The following ANO4 variants were observed in gnomAD, a reference collection of about 807,000 sequenced individuals.
The protein encoded by ANO4 is anoctamin-4.
ANO4 carries 69 observed loss-of-function variants against 141.9 expected under a neutral mutation model. The ratio of observed to expected loss-of-function variants is 0.49; its 90% CI spans 0.40 to 0.59. The LOEUF (loss-of-function observed/expected upper bound fraction) is 0.59. ANO4 is among the 20% of genes least tolerant of loss of function. The pLI is 0.00. For synonymous variants in ANO4, 350 were observed against 394.3 expected (o/e 0.89, Z 1.33); for missense variants, 894 against 1,162.2 (o/e 0.77, Z 3.36).
intron 5 of ANO4, among the ~76,000 whole-genome samples, chr12:100,948,457 A>G (rs2136196943): frequency 6.6e-6 from 1 of 152,242 alleles, no homozygotes; most frequent in South Asian, 2.1e-4. Flanking sequence ...TATAGTGCCA[A>G]TCTTTGTTTT....
At chr12:101,090,051 C>T (rs1411976753) in intron 17 of ANO4, among the ~76,000 whole-genome samples, 2 of 152,132 alleles carry the variant, frequency 1.3e-5, no homozygotes, top group African/African-American at 4.8e-5. Context: ...CAATGAGATA[C>T]CATCTCACAC....
rs150098480 is a variant in ANO4 at position 101,121,172 on chromosome 12, C to T, written c.2676+547C>T. On this transcript the variant is annotated intron_variant, in intron 26 of 27. Coordinates refer to ENST00000392977, the MANE Select transcript of ANO4 (RefSeq NM_001286615.2). ...TTTGGGGTGCGACTGAACCCACCAC[C>T]CAGGTAGCGAGCATAGTATTCAATA... Among the ~76,000 whole-genome samples, 1,064 of 152,202 alleles carry T rather than the reference C, an allele frequency of 7.0e-3. 16 individuals carry two copies. Among genetic ancestry groups the T allele is most frequent in the African/African-American group, 0.024 (982 of 41,524 alleles).
chr12:101,014,091 C>T (rs1169536538), intron 8 of ANO4, among the ~76,000 whole-genome samples: 1 of 152,068 alleles, frequency 6.6e-6, no homozygotes, highest in East Asian at 1.9e-4. Context: ...GCATTCCCCT[C>T]TCAAAATATA....
intron 12 of ANO4, among the ~76,000 whole-genome samples, chr12:101,043,188 GTATCTT>G (rs1317960945): frequency 6.6e-6 from 1 of 152,160 alleles, no homozygotes; most frequent in Non-Finnish European, 1.5e-5. Context: ...ATCAAGATAA[GTATCTT>G]TATATATCTT....
chr12:100,819,946 T>C (rs941205233), intron 1 of ANO4, among the ~76,000 whole-genome samples: 1 of 151,956 alleles, frequency 6.6e-6, no homozygotes, highest in Non-Finnish European at 1.5e-5. Flanking sequence ...TCCTTAGTTG[T>C]TGGGGCCGTG....
At chr12:100,762,486 A>G (rs759366972) in intron 3 of ANO4, among the ~76,000 whole-genome samples, 5 of 152,294 alleles carry the variant, frequency 3.3e-5, no homozygotes, top group Non-Finnish European at 7.4e-5. Context: ...ACCTTTTCCC[A>G]GTTGAAAAGC....
intron 8 of ANO4, among the ~76,000 whole-genome samples, chr12:100,990,314 A>T (rs939216162): frequency 1.3e-5 from 2 of 152,156 alleles, no homozygotes; most frequent in Non-Finnish European, 2.9e-5. Context: ...CATGCTGTTT[A>T]TATTCTACAG....
At chr12:100,828,054 A>AT (rs985169248) in intron 1 of ANO4, among the ~76,000 whole-genome samples, 6 of 151,614 alleles carry the variant, frequency 4.0e-5, no homozygotes, top group Non-Finnish European at 7.4e-5. Context: ...CTGTTAAAAA[A>AT]TTTTTTTTTG....
At chr12:100,722,869 A>C (rs1332247187) in intron 1 of ANO4, among the ~76,000 whole-genome samples, 2 of 152,164 alleles carry the variant, frequency 1.3e-5, no homozygotes, top group African/African-American at 4.8e-5. Context: ...CAGAAAAGAC[A>C]AACAAGCAAA....
At chr12:100,935,930 G>A (rs1221706565) in intron 3 of ANO4, among the ~76,000 whole-genome samples, 6 of 152,088 alleles carry the variant, frequency 3.9e-5, no homozygotes, top group Admixed American at 3.9e-4. Context: ...AAATATGGAT[G>A]AAGTGCACAT....
intron 3 of ANO4, among the ~76,000 whole-genome samples, chr12:100,750,818 G>T (rs1276057696): frequency 1.3e-5 from 2 of 152,144 alleles, no homozygotes; most frequent in African/African-American, 2.4e-5. Context: ...AGCAACCATG[G>T]TACTGACTCA....
At chr12:101,077,274 G>A (rs1344854642) in intron 14 of ANO4, among the ~76,000 whole-genome samples, 6 of 152,180 alleles carry the variant, frequency 3.9e-5, no homozygotes, top group Middle Eastern at 3.2e-3. Context: ...ACTGGGAGAC[G>A]ACTTGGAAGC....
chr12:100,901,983 C>T (rs1481533743), intron 2 of ANO4, 143 bp downstream of exon 2: 4 of 776,576 alleles, frequency 5.2e-6, no homozygotes, highest in African/African-American at 3.5e-5. Flanking sequence ...CCCTTCTGCT[C>T]ACCTCAGTCA....
chr12:100,998,272 A>G (rs2045477816), intron 8 of ANO4, among the ~76,000 whole-genome samples: 1 of 152,116 alleles, frequency 6.6e-6, no homozygotes, highest in South Asian at 2.1e-4. Context: ...TGAGACTCCA[A>G]GTTCTTAAGT....
At chr12:100,913,966 A>C (rs2041225743) in intron 2 of ANO4, among the ~76,000 whole-genome samples, 2 of 152,228 alleles carry the variant, frequency 1.3e-5, no homozygotes, top group Non-Finnish European at 2.9e-5. Flanking sequence ...TGAAAATTGC[A>C]CAGTTTCTGT....
At chr12:101,100,436 T>C (rs1422620041) in intron 22 of ANO4, among the ~76,000 whole-genome samples, 1 of 152,194 alleles carries the variant, frequency 6.6e-6, no homozygotes, top group Non-Finnish European at 1.5e-5. Context: ...GTTTCTTAAA[T>C]TGCTTATGTT....
chr12:100,921,578 C>T (rs563858195), intron 2 of ANO4, among the ~76,000 whole-genome samples: 1 of 152,226 alleles, frequency 6.6e-6, no homozygotes, highest in South Asian at 2.1e-4. Flanking sequence ...ACCTTGGTTT[C>T]TTTGACTTCC....
chr12:100,849,376 T>A (rs1279024668), intron 1 of ANO4, among the ~76,000 whole-genome samples: 2 of 152,196 alleles, frequency 1.3e-5, no homozygotes, highest in Non-Finnish European at 2.9e-5. Context: ...TAAAATAGTA[T>A]ACAGGGAAGA....
chr12:100,925,000 A>G (rs1272647513), intron 3 of ANO4, among the ~76,000 whole-genome samples: 1 of 152,124 alleles, frequency 6.6e-6, no homozygotes, highest in Non-Finnish European at 1.5e-5. Flanking sequence ...ACAGAAGAAA[A>G]AGGAAATGTT....
Sources: allele counts gnomAD v4.1 joint callset (sites outside exome capture counted in the v4.1 genomes callset), GRCh38; gene constraint gnomAD v4.1.1; transcripts MANE v1.5; gene names NCBI Gene and HGNC (gene_info 2026-07-23, HGNC 2026-07-21).